RELN: variants seen among roughly 807,000 people sequenced by gnomAD.
RELN encodes reelin.
RELN carries 108 observed loss-of-function variants against 427.6 expected under a neutral mutation model. That is an observed-to-expected ratio of 0.25 (90% CI 0.22 to 0.30). The LOEUF is 0.30. Ranked by LOEUF, RELN falls within the 10% of genes least tolerant of loss-of-function variation. RELN has a pLI of 1.00. For synonymous variants in RELN, 1,524 were observed against 1,513.4 expected (o/e 1.01, Z -0.16); for missense variants, 3,715 against 4,302.8 (o/e 0.86, Z 3.82).
chr7:103,809,480 A>C (rs979751915), intron 3 of RELN, among the ~76,000 whole-genome samples: 1 of 152,178 alleles, frequency 6.6e-6, no homozygotes, highest in Non-Finnish European at 1.5e-5. Flanking sequence ...AGATTTATTC[A>C]AGAGGTTTAG....
chr7:103,830,493 G>A (rs1246516821), intron 3 of RELN, among the ~76,000 whole-genome samples: 1 of 151,448 alleles, frequency 6.6e-6, no homozygotes, highest in Non-Finnish European at 1.5e-5. Flanking sequence ...GAGAACCATG[G>A]TATATTTACC....
intron 46 of RELN, among the ~76,000 whole-genome samples, chr7:103,532,316 A>G (rs1421969154): frequency 1.3e-5 from 2 of 152,104 alleles, no homozygotes; most frequent in Non-Finnish European, 1.5e-5. Context: ...GGAGGAGGGA[A>G]AGCATCAGGA....
chr7:103,705,732 T>C (rs1014604791), intron 8 of RELN, among the ~76,000 whole-genome samples: 1 of 152,206 alleles, frequency 6.6e-6, no homozygotes, highest in African/African-American at 2.4e-5. Flanking sequence ...CTAAACTGTG[T>C]GGCCTTTGAA....
intron 2 of RELN, among the ~76,000 whole-genome samples, chr7:103,864,798 A>G (rs1169349687): frequency 6.6e-6 from 1 of 151,880 alleles, no homozygotes; most frequent in Non-Finnish European, 1.5e-5. Flanking sequence ...AAATGGACAA[A>G]CCCTTAGCCA....
intron 3 of RELN, among the ~76,000 whole-genome samples, chr7:103,790,881 G>A (rs1167991168): frequency 6.6e-6 from 1 of 152,076 alleles, no homozygotes; most frequent in Admixed American, 6.6e-5. Flanking sequence ...AGAATCGCTT[G>A]AATCTGGGAG....
intron 20 of RELN, among the ~76,000 whole-genome samples, chr7:103,616,171 A>G (rs141494880): frequency 2.6e-5 from 4 of 152,328 alleles, no homozygotes; most frequent in East Asian, 3.9e-4. Flanking sequence ...TTTCTTAGAA[A>G]TCTAAGCAAC....
chr7:103,507,049 C>T (rs1829238065), intron 51 of RELN, among the ~76,000 whole-genome samples: 1 of 152,138 alleles, frequency 6.6e-6, no homozygotes, highest in South Asian at 2.1e-4. Context: ...TCTTAGAGAC[C>T]TACAAAGAGA....
intron 2 of RELN, among the ~76,000 whole-genome samples, chr7:103,861,804 G>C (rs910038317): frequency 3.3e-5 from 5 of 152,144 alleles, no homozygotes; most frequent in African/African-American, 1.2e-4. Flanking sequence ...AGATGAGGAA[G>C]TGAAATTACT....
chr7:103,564,371 A>T (rs547229062), intron 34 of RELN, among the ~76,000 whole-genome samples: 1 of 152,336 alleles, frequency 6.6e-6, no homozygotes, highest in South Asian at 2.1e-4. Flanking sequence ...AGAGCAGAGA[A>T]GCCAGTAGAA....
intron 20 of RELN, among the ~76,000 whole-genome samples, chr7:103,612,923 C>T (rs1356709602): frequency 6.6e-6 from 1 of 152,064 alleles, no homozygotes; most frequent in Non-Finnish European, 1.5e-5. Context: ...TGTAAATATT[C>T]CCAGGGTCAA....
intron 11 of RELN, among the ~76,000 whole-genome samples, chr7:103,669,963 A>C (rs1187152763): frequency 5.3e-5 from 8 of 152,146 alleles, no homozygotes; most frequent in Admixed American, 2.0e-4. Context: ...TAATCAATAA[A>C]ATGCCTTAAG....
chr7:103,625,461 C>T (rs371029359), intron 20 of RELN, among the ~76,000 whole-genome samples: 3 of 152,138 alleles, frequency 2.0e-5, no homozygotes, highest in East Asian at 1.9e-4. Context: ...GGCAAAATAA[C>T]GTCTGTTAGC....
At chr7:103,899,532 G>A (rs1488811334) in intron 2 of RELN, among the ~76,000 whole-genome samples, 7 of 152,020 alleles carry the variant, frequency 4.6e-5, no homozygotes, top group Non-Finnish European at 7.4e-5. Flanking sequence ...ACATCAATGC[G>A]AAAATCCTCT....
At chr7:103,558,079 C>G in intron 36 of RELN, 30 bp from the exon 37 acceptor site, 1 of 1,056,598 alleles carries the variant, frequency 9.5e-7, no homozygotes, top group Non-Finnish European at 1.5e-6. Context: ...CGTTAAGCAA[C>G]TTTTTTTCAC....
At chr7:103,644,601 A>G (rs906613248) in intron 16 of RELN, among the ~76,000 whole-genome samples, 3 of 151,666 alleles carry the variant, frequency 2.0e-5, no homozygotes, top group Non-Finnish European at 1.5e-5. Context: ...GAATTTTAAA[A>G]ATGAACAAAG....
At chr7:103,623,966 C>T (rs983390913) in intron 20 of RELN, among the ~76,000 whole-genome samples, 9 of 152,062 alleles carry the variant, frequency 5.9e-5, no homozygotes, top group African/African-American at 2.2e-4. Context: ...TAAAATTCCA[C>T]CTATCATTCA....
At chr7:103,781,516 T>C (rs1400035485) in intron 3 of RELN, among the ~76,000 whole-genome samples, 4 of 152,178 alleles carry the variant, frequency 2.6e-5, no homozygotes, top group Non-Finnish European at 5.9e-5. Flanking sequence ...CCTATAGTCA[T>C]CGTTTTTGTG....
intron 8 of RELN, among the ~76,000 whole-genome samples, chr7:103,714,573 G>A (rs1789890148): frequency 6.6e-6 from 1 of 152,236 alleles, no homozygotes; most frequent in Non-Finnish European, 1.5e-5. Flanking sequence ...ACCATGCAGA[G>A]CAGCTTCTGG....
chr7:103,565,460 G>A lies in RELN; in HGVS notation c.5028C>T (p.Phe1676=). The A allele has an allele frequency of 1.2e-6, 2 of 1,613,798 alleles. No homozygotes were observed. The highest frequency in any genetic ancestry group is 1.1e-5 in the South Asian group (1 of 91,032). The change falls in exon 34 of 65, where the codon TTC becomes TTT. Residue 1676 remains phenylalanine (F), a synonymous_variant. Transcript: ENST00000428762. ...GGAGCTGTACACTGTGGGAGTTGCT[G>A]AAGGGCTTGCTACAGCCCATGCTCA... The part of the protein sequence containing the change: ...FEMSMGCSKP[F]SNSHSVQLQY...
Sources: gnomAD v4.1 joint callset for allele counts (sites outside exome capture counted in the v4.1 genomes callset) on GRCh38, gnomAD v4.1.1 for gene constraint, MANE v1.5 for transcripts, NCBI Gene and HGNC (gene_info 2026-07-23, HGNC 2026-07-21) for gene names.